THUMPD2: variants seen among roughly 807,000 people sequenced by gnomAD.
THUMPD2 encodes the protein U6 snRNA (guanine-N(2))-methyltransferase THUMPD2.
THUMPD2 carries 56 observed loss-of-function variants against 49.4 expected under a neutral mutation model. That is an observed-to-expected ratio of 1.13 (90% confidence interval 0.91 to 1.41). The LOEUF (loss-of-function observed/expected upper bound fraction) is 1.41. THUMPD2 is among the 40% of genes most tolerant of loss of function. The pLI is 0.00. For synonymous variants in THUMPD2, 237 were observed against 205.2 expected (o/e 1.15, Z -1.32); for missense variants, 709 against 594.5 (o/e 1.19, Z -2.00).
chr2:39,741,681 T>G (rs1434968021), intron 9 of THUMPD2, among the ~76,000 whole-genome samples: 1 of 152,184 alleles, frequency 6.6e-6, no homozygotes, highest in Non-Finnish European at 1.5e-5. Context: ...ACCAGAGTAA[T>G]CATTTATCTG....
intron 3 of THUMPD2, chr2:39,768,822 G>A (rs1677897871): frequency 9.4e-7 from 1 of 1,067,654 alleles, no homozygotes; most frequent in South Asian, 1.5e-5. Context: ...GGAAATAGAT[G>A]CAAGCTGAAA....
chr2:39,776,761 T>C (rs775884459), intron 1 of THUMPD2, among the ~76,000 whole-genome samples: 8 of 152,190 alleles, frequency 5.3e-5, no homozygotes, highest in Non-Finnish European at 7.3e-5. Flanking sequence ...CTAAAAAGAA[T>C]ACACAGGAAA....
At chr2:39,774,397 T>C (rs1010865624) in intron 1 of THUMPD2, among the ~76,000 whole-genome samples, 2 of 152,236 alleles carry the variant, frequency 1.3e-5, no homozygotes, top group South Asian at 2.1e-4. Flanking sequence ...ACCAGAAATA[T>C]GCTATAGGAA....
intron 1 of THUMPD2, among the ~76,000 whole-genome samples, chr2:39,777,043 T>G (rs758171155): frequency 5.9e-5 from 9 of 152,372 alleles, no homozygotes; most frequent in Non-Finnish European, 1.2e-4. Flanking sequence ...TTAATTTCCT[T>G]GATGCGATCC....
At chr2:39,743,570 C>A (rs1201424373) in intron 9 of THUMPD2, among the ~76,000 whole-genome samples, 2 of 152,104 alleles carry the variant, frequency 1.3e-5, no homozygotes, top group Non-Finnish European at 2.9e-5. Context: ...TAGATTAATG[C>A]CCTCCCTGTG....
intron 8 of THUMPD2, among the ~76,000 whole-genome samples, chr2:39,747,511 G>A (rs1460800491): frequency 6.6e-6 from 1 of 152,114 alleles, no homozygotes. Flanking sequence ...TTTCTGAGAA[G>A]AGAATGCTAG....
At position 39,736,597 on chromosome 2, in the gene THUMPD2, C is replaced by T; in HGVS notation, c.*138G>A. Reference sequence around the variant, plus strand: ...GAAACTCTTACCAAGCATGTGTACCCATCAGCCACACCTCCTGTCTTTGGG... The same window carrying T: ...GAAACTCTTACCAAGCATGTGTACCTATCAGCCACACCTCCTGTCTTTGGG... On this transcript the variant is annotated 3_prime_UTR_variant, in exon 10 of 10. Transcript: ENST00000505747. The T allele has an allele frequency of 1.5e-6, 1 of 664,622 alleles. No homozygotes were observed. The highest frequency in any genetic ancestry group is 2.5e-6 in the Non-Finnish European group (1 of 396,830). The allele number at this position is 664,622 out of a possible 1,614,324, so 41.2% of individuals were successfully genotyped here.
At position 39,779,216 on chromosome 2, in the gene THUMPD2, T is replaced by C; in HGVS notation, c.24A>G (p.Pro8=). 9 of 1,502,676 alleles carry C rather than the reference T, an allele frequency of 6.0e-6. No homozygotes were observed. Among genetic ancestry groups the C allele is most frequent in the South Asian group, 5.0e-5 (4 of 80,358 alleles). The allele number at this position is 1,502,676 out of a possible 1,614,324, so 93.1% of individuals were successfully genotyped here. A position where few individuals can be genotyped will look rare whatever the true frequency, so the allele number is the denominator to read the frequency against. Residue 8 remains proline (P), a synonymous_variant, in exon 1 of 10, where the codon CCA becomes CCG. Coordinates refer to ENST00000505747, the MANE Select transcript of THUMPD2 (RefSeq NM_025264.5). ...GGGCGCCAGCCTCAGGCCCGGACCC[T>C]GGCTCTCCACGCGCCTCCGACATGG... MSEARGE[P]GSGPEAGARF... is the part of the protein sequence containing the mutation.
At chr2:39,770,229 A>C in intron 2 of THUMPD2, 110 bp from the exon 3 acceptor site, 1 of 717,306 alleles carries the variant, frequency 1.4e-6, no homozygotes. Context: ...AGTTTTATTA[A>C]ATTGCTACAC....
chr2:39,779,051 G>A, intron 1 of THUMPD2, 63 bp downstream of exon 1: 1 of 1,391,664 alleles, frequency 7.2e-7, no homozygotes, highest in Non-Finnish European at 9.3e-7. Context: ...CCACGACTGG[G>A]GTGGGCAACA....
chr2:39,776,260 TACA>T (rs1267832646), intron 1 of THUMPD2, among the ~76,000 whole-genome samples: 20 of 152,058 alleles, frequency 1.3e-4, no homozygotes, highest in African/African-American at 4.6e-4. Flanking sequence ...AAATTTGCCA[TACA>T]ACGAGAGGGG....
At chr2:39,773,017 G>C (rs1169424985) in intron 1 of THUMPD2, among the ~76,000 whole-genome samples, 2 of 152,148 alleles carry the variant, frequency 1.3e-5, no homozygotes, top group East Asian at 3.9e-4. Context: ...TGGAGGAACA[G>C]ACAATGACAT....
intron 1 of THUMPD2, among the ~76,000 whole-genome samples, chr2:39,778,554 C>A (rs1243697349): frequency 6.6e-6 from 1 of 152,214 alleles, no homozygotes; most frequent in East Asian, 1.9e-4. Flanking sequence ...AAAACCTAAA[C>A]CGATGCTTAA....
intron 1 of THUMPD2, 129 bp downstream of exon 1, chr2:39,778,985 G>C (rs958829001): frequency 3.3e-6 from 4 of 1,223,956 alleles, no homozygotes; most frequent in Non-Finnish European, 4.2e-6. Context: ...GTCAACCTCG[G>C]GGGTCGGCGA....
intron 8 of THUMPD2, among the ~76,000 whole-genome samples, chr2:39,748,338 T>C (rs998968028): frequency 2.6e-5 from 4 of 152,250 alleles, no homozygotes; most frequent in African/African-American, 7.2e-5. Context: ...TGTACTGTTA[T>C]GCAGAAGCAT....
chr2:39,768,583 C>A, intron 3 of THUMPD2, 82 bp from the exon 4 acceptor site: 1 of 1,133,434 alleles, frequency 8.8e-7, no homozygotes. Context: ...ACAGAGTAGC[C>A]TATAAGAAAA....
intron 9 of THUMPD2, among the ~76,000 whole-genome samples, chr2:39,743,342 A>G (rs1674149053): frequency 6.6e-6 from 1 of 152,226 alleles, no homozygotes. Context: ...ATGCATATCC[A>G]TGACTCATTG....
In THUMPD2 at chr2:39,736,613, T is replaced by C. The variant is rs1298606249; in HGVS notation, c.*122A>G. 1.2e-6 allele frequency: 1 copy of C among 813,052 alleles called. No individual in the cohort carries two copies. The allele number at this position is 813,052 out of a possible 1,614,324, so 50.4% of individuals were successfully genotyped here. A position where few individuals can be genotyped will look rare whatever the true frequency, so the allele number is the denominator to read the frequency against. ...ATGTGTACCCATCAGCCACACCTCC[T>C]GTCTTTGGGGGAATTTGGTTACTTG... On this transcript the variant is annotated 3_prime_UTR_variant, in exon 10 of 10. Transcript: ENST00000505747.
intron 6 of THUMPD2, among the ~76,000 whole-genome samples, chr2:39,760,206 C>T (rs368867452): frequency 3.9e-4 from 59 of 152,176 alleles, no homozygotes; most frequent in African/African-American, 1.3e-3. Flanking sequence ...TCAAAGGTCT[C>T]ACTGTAGAGA....
Sources: gnomAD v4.1 joint callset for allele counts (sites outside exome capture counted in the v4.1 genomes callset) on GRCh38, gnomAD v4.1.1 for gene constraint, MANE v1.5 for transcripts, NCBI Gene and HGNC (gene_info 2026-07-23, HGNC 2026-07-21) for gene names.